Variants in FBXL13 observed in about 807,000 individuals in gnomAD.
The protein encoded by FBXL13 is F-box and leucine rich repeat protein 13, also known as F-box and leucine-rich repeat protein 13.
FBXL13 carries 67 observed loss-of-function variants against 83.6 expected under a neutral mutation model. The ratio of observed to expected loss-of-function variants is 0.80; its 90% CI spans 0.66 to 0.98. The LOEUF is 0.98. Ranked by LOEUF, FBXL13 falls within the 50% of genes least tolerant of loss-of-function variation. The pLI is 0.00. For missense variants in FBXL13, 822 were observed against 866.5 expected (o/e 0.95, Z 0.64); for synonymous variants, 272 against 299.5 (o/e 0.91, Z 0.95).
intron 18 of FBXL13, 137 bp downstream of exon 19, chr7:102,832,703 A>G: frequency 2.8e-6 from 3 of 1,062,946 alleles, no homozygotes; most frequent in Non-Finnish European, 3.8e-6. Flanking sequence ...CAATTTGAGG[A>G]TAGAAGAAAA....
Position 102,974,452 on chromosome 7 carries a change from C to CT in FBXL13, c.496-6336dup, listed in dbSNP as rs1478764036. Among the ~76,000 whole-genome samples, 7 of 152,200 alleles carry CT rather than the reference C, an allele frequency of 4.6e-5. No individual in the cohort carries two copies. The East Asian group carries it at 9.7e-4, about 21-fold the overall frequency. ...CAGGCAAGATATCCATCCTCCTTGTCTTTTTTTGCAATTCAGACTGGCCAC... is the reference window on the plus strand; with the variant it reads ...CAGGCAAGATATCCATCCTCCTTGTCTTTTTTTTGCAATTCAGACTGGCCAC... On this transcript the variant is annotated intron_variant, in intron 6 of 19. Transcript: ENST00000313221.
chr7:102,839,376 A>T (rs539209026), intron 17 of FBXL13, among the ~76,000 whole-genome samples: 1 of 152,356 alleles, frequency 6.6e-6, no homozygotes, highest in Non-Finnish European at 1.5e-5. Flanking sequence ...GGTCCTTGGT[A>T]TGCTGAGCGC....
chr7:102,945,264 A>C (rs957700822), intron 8 of FBXL13, among the ~76,000 whole-genome samples: 4 of 152,228 alleles, frequency 2.6e-5, no homozygotes, highest in Non-Finnish European at 5.9e-5. Flanking sequence ...CCTGAATAAC[A>C]GCTGTAGATG....
intron 17 of FBXL13, 130 bp from the exon 19 acceptor site, chr7:102,833,104 AT>A (rs1340294881): frequency 1.1e-6 from 1 of 948,286 alleles, no homozygotes. Context: ...CCCCCAAAAA[AT>A]AATTTAAAAA....
At chr7:102,866,681 T>C (rs1435264719) in intron 16 of FBXL13, among the ~76,000 whole-genome samples, 1 of 152,208 alleles carries the variant, frequency 6.6e-6, no homozygotes, top group Non-Finnish European at 1.5e-5. Flanking sequence ...CTTGCAATTG[T>C]ATCATCAGAT....
chr7:103,034,650 A>G (rs1386406938), intron 2 of FBXL13, among the ~76,000 whole-genome samples: 1 of 152,176 alleles, frequency 6.6e-6, no homozygotes, highest in Non-Finnish European at 1.5e-5. Context: ...AGGGGATCCC[A>G]CAGTGCAGTG....
intron 6 of FBXL13, among the ~76,000 whole-genome samples, chr7:102,992,026 T>C (rs1448679701): frequency 6.6e-6 from 1 of 152,146 alleles, no homozygotes; most frequent in African/African-American, 2.4e-5. Context: ...TGTTAATGCT[T>C]TGGTTCTCAC....
At chr7:102,818,449 G>A (rs574886537) in intron 19 of FBXL13, among the ~76,000 whole-genome samples, 5 of 152,316 alleles carry the variant, frequency 3.3e-5, no homozygotes, top group South Asian at 2.1e-4. Flanking sequence ...AGCACAGTAC[G>A]TGGCAAATAA....
chr7:102,909,002 C>G (rs1319170397), intron 11 of FBXL13, among the ~76,000 whole-genome samples: 2 of 152,186 alleles, frequency 1.3e-5, no homozygotes, highest in Admixed American at 6.5e-5. Context: ...GTCCCCCAGA[C>G]CCCAGGTGAG....
chr7:103,025,239 A>G lies in FBXL13; in HGVS notation c.328-9T>C, dbSNP rs898833818. On this transcript the variant is annotated splice_polypyrimidine_tract_variant and intron_variant, in intron 5 of 19. Coordinates refer to ENST00000313221, the Ensembl canonical transcript of FBXL13. ...AGTTCATGTTTTAATATCTGCAATGAAAATAATTTTAAAATTCCATGGAAT... is the reference window on the plus strand; with the variant it reads ...AGTTCATGTTTTAATATCTGCAATGGAAATAATTTTAAAATTCCATGGAAT... 3.9e-6 allele frequency: 6 copies of G among 1,541,686 alleles called. No homozygotes were observed. Among genetic ancestry groups the G allele is most frequent in the Non-Finnish European group, 5.3e-6 (6 of 1,128,606 alleles).
exon 8 of FBXL13, chr7:102,963,655 G>A: frequency 6.3e-7 from 1 of 1,593,614 alleles, no homozygotes; most frequent in Non-Finnish European, 8.5e-7. Context: ...TTTCACTGAG[G>A]AAAAATCAAT....
intron 1 of FBXL13, among the ~76,000 whole-genome samples, chr7:103,057,682 A>C (rs1797466406): frequency 6.6e-6 from 1 of 152,204 alleles, no homozygotes; most frequent in Non-Finnish European, 1.5e-5. Flanking sequence ...GGAACTCGTA[A>C]AGTTGCTGCT....
intron 8 of FBXL13, among the ~76,000 whole-genome samples, chr7:102,952,541 T>C (rs944662539): frequency 3.9e-5 from 6 of 152,152 alleles, no homozygotes; most frequent in African/African-American, 1.4e-4. Flanking sequence ...TAACAGAATA[T>C]TATGAACTGT....
At chr7:102,940,095 T>C (rs1028957633) in intron 8 of FBXL13, among the ~76,000 whole-genome samples, 2 of 151,922 alleles carry the variant, frequency 1.3e-5, no homozygotes, top group African/African-American at 4.8e-5. Flanking sequence ...GGTTTCATCA[T>C]GTTGGTCAGG....
At position 103,034,506 on chromosome 7, in the gene FBXL13, C is replaced by T. The variant is rs532145794; in HGVS notation, c.1-5088G>A. On this transcript the variant is annotated intron_variant, in intron 2 of 19. Coordinates refer to ENST00000313221, the Ensembl canonical transcript of FBXL13. ...GGCTGGCCGCTCTGAGTGCGGGGTC[C>T]GCTGAGCCCACGCCCACCCGGAACT... 2.9e-3 allele frequency among the ~76,000 whole-genome samples: 441 copies of T among 152,352 alleles called. 2 individuals are homozygous for T. Among genetic ancestry groups the T allele is most frequent in the Non-Finnish European group, 5.3e-3 (359 of 68,026 alleles).
intron 19 of FBXL13, chr7:102,814,337 G>C (rs907246301): frequency 6.6e-6 from 1 of 152,088 alleles, no homozygotes; most frequent in African/African-American, 2.4e-5. Flanking sequence ...ATGTTACCTT[G>C]AGTTATTAAT....
At chr7:103,035,309 T>G (rs1345022988) in intron 2 of FBXL13, among the ~76,000 whole-genome samples, 2 of 152,158 alleles carry the variant, frequency 1.3e-5, no homozygotes, top group African/African-American at 4.8e-5. Flanking sequence ...GGGATAGCTT[T>G]GGGATTCCCA....
chr7:102,994,509 A>G (rs1024287025), intron 6 of FBXL13, among the ~76,000 whole-genome samples: 1 of 152,142 alleles, frequency 6.6e-6, no homozygotes, highest in Non-Finnish European at 1.5e-5. Context: ...TAGTTGTCTG[A>G]CTTTGGGGAT....
chr7:102,888,474 G>T (rs2129459860), intron 11 of FBXL13, among the ~76,000 whole-genome samples: 1 of 152,376 alleles, frequency 6.6e-6, no homozygotes, highest in South Asian at 2.1e-4. Flanking sequence ...GGAACTTGCA[G>T]TGAGCTGAGA....
Sources: gnomAD v4.1 joint callset for allele counts (sites outside exome capture counted in the v4.1 genomes callset) on GRCh38, gnomAD v4.1.1 for gene constraint, MANE v1.5 for transcripts, NCBI Gene and HGNC (gene_info 2026-07-23, HGNC 2026-07-21) for gene names.